The following ATRNL1 variants were observed in gnomAD, a reference collection of about 807,000 sequenced individuals.
ATRNL1 encodes attractin like 1.
Under a neutral mutation model 182.7 loss-of-function variants are expected in ATRNL1, and 95 were observed. The ratio of observed to expected loss-of-function variants is 0.52; its 90% CI spans 0.44 to 0.62. The LOEUF (loss-of-function observed/expected upper bound fraction) is 0.62. Among genes scored for constraint, ATRNL1 ranks in the 20% least tolerant of loss-of-function variants. ATRNL1 has a pLI of 0.00. For synonymous variants in ATRNL1, 576 were observed against 568.3 expected (o/e 1.01, Z -0.19); for missense variants, 1,471 against 1,679.5 (o/e 0.88, Z 2.17).
At chr10:115,145,414 T>A (rs1032005759) in intron 5 of ATRNL1, among the ~76,000 whole-genome samples, 6 of 152,060 alleles carry the variant, frequency 3.9e-5, no homozygotes, top group Non-Finnish European at 7.4e-5. Flanking sequence ...CACAATAGCA[T>A]CATTGACCGA....
intron 27 of ATRNL1, among the ~76,000 whole-genome samples, chr10:115,781,832 A>G: frequency 6.6e-6 from 1 of 152,172 alleles, no homozygotes; most frequent in South Asian, 2.1e-4. Flanking sequence ...TTCAATAACA[A>G]CCCATCCATT....
intron 27 of ATRNL1, among the ~76,000 whole-genome samples, chr10:115,767,484 G>C (rs1948885489): frequency 6.6e-6 from 1 of 152,044 alleles, no homozygotes; most frequent in Admixed American, 6.6e-5. Flanking sequence ...GTCCCTTCTT[G>C]TGATTATAAG....
intron 26 of ATRNL1, among the ~76,000 whole-genome samples, chr10:115,592,134 G>A (rs566081096): frequency 3.9e-5 from 6 of 152,242 alleles, no homozygotes; most frequent in East Asian, 3.9e-4. Context: ...ACACAAGGTC[G>A]TAAAGATGGC....
chr10:115,898,499 C>A (rs1952264857), intron 28 of ATRNL1, among the ~76,000 whole-genome samples: 1 of 152,188 alleles, frequency 6.6e-6, no homozygotes, highest in Admixed American at 6.5e-5. Context: ...GGCAGTGCTA[C>A]TGTGTGCCTG....
intron 26 of ATRNL1, among the ~76,000 whole-genome samples, chr10:115,591,897 A>C (rs1307952736): frequency 2.6e-5 from 4 of 152,220 alleles, no homozygotes; most frequent in African/African-American, 9.6e-5. Flanking sequence ...TACTATTCAC[A>C]ATAGCAAAGA....
chr10:115,121,627 TAAA>T (rs1844740134), intron 2 of ATRNL1, 69 bp from the exon 3 acceptor site: 1 of 531,808 alleles, frequency 1.9e-6, no homozygotes. Context: ...TATTATATAA[TAAA>T]TATTATGTAT....
At chr10:115,826,966 AC>A (rs1237104031) in intron 27 of ATRNL1, among the ~76,000 whole-genome samples, 5 of 152,054 alleles carry the variant, frequency 3.3e-5, no homozygotes, top group African/African-American at 1.2e-4. Flanking sequence ...TTCACCAGGG[AC>A]CCATCCCTGT....
At chr10:115,580,167 T>C (rs782162294) in intron 26 of ATRNL1, among the ~76,000 whole-genome samples, 1 of 152,096 alleles carries the variant, frequency 6.6e-6, no homozygotes, top group Non-Finnish European at 1.5e-5. Context: ...CAATATTCTT[T>C]CTGTTCCTAT....
rs1851626257 is a variant in ATRNL1, at chr10:115,266,791, T to C, written c.1773-6T>C. On this transcript the variant is annotated splice_region_variant and splice_polypyrimidine_tract_variant and intron_variant, in intron 11 of 28. Transcript: ENST00000355044. ...TTCTTTAAGATTCTTGTTTTGTTTT[T>C]AATAGGTCCATGTATATATTTGGGG... is the stretch of plus-strand genomic sequence containing the variant. 1 of 1,542,178 alleles carries C rather than the reference T, an allele frequency of 6.5e-7. No individual in the cohort carries two copies. The highest frequency in any genetic ancestry group is 8.8e-7 in the Non-Finnish European group (1 of 1,134,786).
At position 115,129,670 on chromosome 10, in the gene ATRNL1, C is replaced by T. The variant is rs939193002; in HGVS notation, c.829+135C>T. ...TATTTACTTTTATTTTTAGAATGTT[C>T]AGATTAATAATCAACTTCTTAATAA... On this transcript the variant is annotated intron_variant, in intron 5 of 28. Transcript: ENST00000355044. 7 of 642,068 alleles carry T rather than the reference C, an allele frequency of 1.1e-5. No homozygotes were observed. The African/African-American group carries it at 1.3e-4, about 12-fold the overall frequency. The allele number at this position is 642,068 out of a possible 1,614,324, so 39.8% of individuals were successfully genotyped here.
chr10:115,272,035 C>T (rs1554913296), intron 13 of ATRNL1, among the ~76,000 whole-genome samples: 1 of 152,188 alleles, frequency 6.6e-6, no homozygotes, highest in Non-Finnish European at 1.5e-5. Context: ...CCTCCATTCT[C>T]ACTCTTGCTC....
chr10:115,469,567 A>G (rs1412510833), intron 24 of ATRNL1, among the ~76,000 whole-genome samples: 2 of 150,668 alleles, frequency 1.3e-5, no homozygotes, highest in African/African-American at 2.4e-5. Context: ...GTACTAAGCA[A>G]TGTAGCCAAC....
At chr10:115,389,275 G>A (rs1305420582) in intron 19 of ATRNL1, among the ~76,000 whole-genome samples, 2 of 151,634 alleles carry the variant, frequency 1.3e-5, no homozygotes, top group Non-Finnish European at 1.5e-5. Context: ...GGGAGGCCGC[G>A]GATGGCGGAT....
intron 24 of ATRNL1, among the ~76,000 whole-genome samples, chr10:115,497,465 A>C (rs782252567): frequency 6.6e-6 from 1 of 152,064 alleles, no homozygotes; most frequent in African/African-American, 2.4e-5. Context: ...TTGGGCGGGC[A>C]ATAGTTCTGT....
chr10:115,439,502 A>C (rs1302080040), intron 21 of ATRNL1, among the ~76,000 whole-genome samples: 2 of 151,962 alleles, frequency 1.3e-5, no homozygotes, highest in East Asian at 3.8e-4. Context: ...TTTTCTACCT[A>C]GAGAAAATTG....
At chr10:115,661,532 T>G (rs940014116) in intron 26 of ATRNL1, among the ~76,000 whole-genome samples, 3 of 152,180 alleles carry the variant, frequency 2.0e-5, no homozygotes, top group Non-Finnish European at 4.4e-5. Flanking sequence ...TAAGTTCCAG[T>G]CAGAAGATGA....
At chr10:115,866,002 T>C (rs1299074548) in intron 28 of ATRNL1, among the ~76,000 whole-genome samples, 1 of 152,236 alleles carries the variant, frequency 6.6e-6, no homozygotes, top group Non-Finnish European at 1.5e-5. Flanking sequence ...CTGCCTATCA[T>C]TTTAAAACCA....
intron 9 of ATRNL1, among the ~76,000 whole-genome samples, chr10:115,240,066 T>C (rs1244969969): frequency 1.3e-5 from 2 of 152,118 alleles, no homozygotes; most frequent in Non-Finnish European, 2.9e-5. Flanking sequence ...TAAGTAATTA[T>C]CTATTGCCAT....
At chr10:115,277,921 T>C (rs1554915357) in intron 13 of ATRNL1, among the ~76,000 whole-genome samples, 1 of 152,150 alleles carries the variant, frequency 6.6e-6, no homozygotes, top group Non-Finnish European at 1.5e-5. Context: ...ATGGAGGAAA[T>C]GTGACAGATA....
Sources: allele counts gnomAD v4.1 joint callset (sites outside exome capture counted in the v4.1 genomes callset), GRCh38; gene constraint gnomAD v4.1.1; transcripts MANE v1.5; gene names NCBI Gene and HGNC (gene_info 2026-07-23, HGNC 2026-07-21).